Variants in SLC2A5 observed in about 807,000 individuals in gnomAD.
SLC2A5 encodes solute carrier family 2 member 5.
In SLC2A5, 56 loss-of-function variants were observed where a neutral mutation model predicts 50.3. The ratio of observed to expected loss-of-function variants is 1.11; its 90% CI spans 0.90 to 1.39. The LOEUF (loss-of-function observed/expected upper bound fraction) is 1.39. Ranked by LOEUF, SLC2A5 falls within the 40% of genes most tolerant of loss-of-function variation. SLC2A5 has a pLI of 0.00. For synonymous variants in SLC2A5, 269 were observed against 281.9 expected (o/e 0.95, Z 0.46); for missense variants, 566 against 650.1 (o/e 0.87, Z 1.41).
chr1:9,079,610 C>T (rs374272021), intron 2 of SLC2A5, among the ~76,000 whole-genome samples: 1 of 152,182 alleles, frequency 6.6e-6, no homozygotes, highest in Non-Finnish European at 1.5e-5. Context: ...CTCAGCCTCC[C>T]AAATAGCTGG....
chr1:9,061,139 G>T (rs12090683), intron 1 of SLC2A5, among the ~76,000 whole-genome samples: 39,285 of 150,498 alleles, frequency 0.26, 5,929 homozygotes, highest in East Asian at 0.54. Context: ...TCAAAAATTT[G>T]CTGGGCATGA....
chr1:9,069,479 C>G (rs1444230222), intron 1 of SLC2A5, 25 bp downstream of exon 1: 1 of 1,613,218 alleles, frequency 6.2e-7, no homozygotes, highest in Non-Finnish European at 8.5e-7. Flanking sequence ...TGCTCTTGGC[C>G]CCTTTCCCTG....
chr1:9,038,587 G>C (rs2124300695), intron 9 of SLC2A5, 81 bp from the exon 10 acceptor site: 1 of 1,309,536 alleles, frequency 7.6e-7, no homozygotes, highest in East Asian at 2.4e-5. Context: ...TGCCCTGGTG[G>C]GTGGAGGATG....
intron 2 of SLC2A5, among the ~76,000 whole-genome samples, chr1:9,075,913 G>T (rs1053781409): frequency 1.3e-5 from 2 of 151,696 alleles, no homozygotes; most frequent in Non-Finnish European, 2.9e-5. Flanking sequence ...CACCCACCTC[G>T]GCCTCCCAAA....
At chr1:9,049,445 C>CG (rs1641514963) in intron 3 of SLC2A5, among the ~76,000 whole-genome samples, 1 of 152,074 alleles carries the variant, frequency 6.6e-6, no homozygotes, top group East Asian at 1.9e-4. Flanking sequence ...ACAAACAGGC[C>CG]GGGCATGGTG....
In SLC2A5 at chr1:9,039,634, A is replaced by T. The variant is rs970683909; in HGVS notation, c.914T>A (p.Leu305Gln). 11 of 1,560,974 alleles carry T rather than the reference A, an allele frequency of 7.0e-6. No individual in the cohort carries two copies. Among genetic ancestry groups the T allele is most frequent in the African/African-American group, 1.4e-5 (1 of 73,178 alleles). Residue 305 changes from leucine to glutamine, a missense_variant, in exon 8 of 12, where the codon CTG becomes CAG. Physicochemically the swap from Leu to Gln is moderately radical, Grantham distance 113. Transcript: ENST00000377424. ...GTGCTCCTCCGGCACGCCGGCGCTC[A>T]GGTAGATCTGGTCCGCGTAGTAGTA... is the stretch of plus-strand genomic sequence containing the variant. ...AIYYYADQIY[L>Q]SAGVPEEHVQ...
At chr1:9,066,035 A>G (rs1311256153) in intron 1 of SLC2A5, among the ~76,000 whole-genome samples, 1 of 152,142 alleles carries the variant, frequency 6.6e-6, no homozygotes, top group Non-Finnish European at 1.5e-5. Context: ...CCTGGTCTGT[A>G]GTAGGTGTTA....
chr1:9,077,946 G>T lies in SLC2A5; in HGVS notation c.-59+7068C>A, dbSNP rs142802624. Among the ~76,000 whole-genome samples the T allele has an allele frequency of 3.0e-3, 463 of 151,928 alleles. 4 individuals are homozygous for T. Among genetic ancestry groups the T allele is most frequent in the African/African-American group, 0.011 (436 of 41,454 alleles). On this transcript the variant is annotated intron_variant, in intron 2 of 5. Coordinates refer to the SLC2A5 transcript ENST00000464985. ...AAAGCAAGTTTATTAAGAAAGTAAA[G>T]AAATAAAAAAAAGGCTACTCCACAG...
Position 9,040,235 on chromosome 1 carries a change from C to T in SLC2A5, c.572-46G>A. The T allele has an allele frequency of 1.3e-6, 2 of 1,532,206 alleles. No homozygotes were observed. The highest frequency in any genetic ancestry group is 1.7e-6 in the Non-Finnish European group (2 of 1,143,288). The allele number at this position is 1,532,206 out of a possible 1,614,324, so 94.9% of individuals were successfully genotyped here. A position where few individuals can be genotyped will look rare whatever the true frequency, so the allele number is the denominator to read the frequency against. On this transcript the variant is annotated intron_variant, in intron 5 of 11. Coordinates refer to ENST00000377424, the MANE Select transcript of SLC2A5 (RefSeq NM_003039.3). The surrounding 1 kb of genome is among the most constrained non-coding windows in gnomAD (Gnocchi z 4.3). ...TGGCACCAGCGGCCTCCCCACCACC[C>T]CGAAGGCGCCCTCTGCAGAGCCGGC...
intron 5 of SLC2A5, 60 bp downstream of exon 5, chr1:9,041,725 G>A: frequency 6.2e-7 from 1 of 1,613,618 alleles, no homozygotes; most frequent in Non-Finnish European, 8.5e-7. Flanking sequence ...TGGAACACAA[G>A]GAGGGGGCCA....
intron 1 of SLC2A5, among the ~76,000 whole-genome samples, chr1:9,068,100 G>A (rs1409715620): frequency 6.8e-6 from 1 of 147,498 alleles, no homozygotes; most frequent in Non-Finnish European, 1.5e-5. Context: ...TGAGGTGGGA[G>A]GATCGCTTGA....
At chr1:9,039,729 C>T (rs1461163607) in intron 7 of SLC2A5, 67 bp from the exon 8 acceptor site, 92 of 1,428,092 alleles carry the variant, frequency 6.4e-5, no homozygotes, top group Non-Finnish European at 8.1e-5. Flanking sequence ...GACCCACGCC[C>T]GGCGCCCCAG....
chr1:9,060,086 TAC>T (rs879348316), intron 1 of SLC2A5, among the ~76,000 whole-genome samples: 1 of 92,388 alleles, frequency 1.1e-5, no homozygotes, highest in Admixed American at 1.2e-4. Flanking sequence ...ACACACACAC[TAC>T]ACACACAACA....
chr1:9,074,130 G>A (rs1016947675), upstream of SLC2A5, among the ~76,000 whole-genome samples: 6 of 151,238 alleles, frequency 4.0e-5, no homozygotes, highest in African/African-American at 1.5e-4. Flanking sequence ...AATTGTGTTT[G>A]TGTTCTTAGC....
chr1:9,067,412 C>T (rs1292374406), intron 1 of SLC2A5, among the ~76,000 whole-genome samples: 1 of 152,218 alleles, frequency 6.6e-6, no homozygotes, highest in African/African-American at 2.4e-5. Flanking sequence ...TTTCCTTTCG[C>T]AATGTGTTAC....
At chr1:9,047,145 G>A (rs779569190) in intron 4 of SLC2A5, among the ~76,000 whole-genome samples, 4 of 152,170 alleles carry the variant, frequency 2.6e-5, no homozygotes, top group Admixed American at 2.0e-4. Flanking sequence ...TTACAGCAGT[G>A]TGAAAACAGA....
intron 4 of SLC2A5, among the ~76,000 whole-genome samples, chr1:9,043,251 G>C (rs939571199): frequency 1.3e-5 from 2 of 152,098 alleles, no homozygotes; most frequent in Non-Finnish European, 2.9e-5. Flanking sequence ...TGTTGATGGC[G>C]GGGTATTTGA....
intron 2 of SLC2A5, chr1:9,082,882 A>T: frequency 3.8e-6 from 1 of 260,444 alleles, no homozygotes; most frequent in Non-Finnish European, 8.0e-6. Context: ...AAACAGGACA[A>T]AAAAAAAAAA....
chr1:9,049,064 G>A (rs1178706862), intron 3 of SLC2A5: 1 of 448,012 alleles, frequency 2.2e-6, no homozygotes, highest in East Asian at 7.0e-5. Flanking sequence ...AATAAAACTT[G>A]GAAAGCCTTC....
Sources: allele counts gnomAD v4.1 joint callset (sites outside exome capture counted in the v4.1 genomes callset), GRCh38; gene constraint gnomAD v4.1.1; non-coding constraint Gnocchi (gnomAD v3.1); transcripts MANE v1.5; gene names NCBI Gene and HGNC (gene_info 2026-07-23, HGNC 2026-07-21).